Variants in TOX2 observed in about 807,000 individuals in gnomAD.
TOX2 encodes the protein granulosa cell HMG box 1.
A neutral mutation model predicts 47.4 loss-of-function variants in TOX2; 15 were observed. The ratio of observed to expected loss-of-function variants is 0.32; its 90% CI spans 0.21 to 0.49. TOX2 has a LOEUF of 0.49. Among genes scored for constraint, TOX2 ranks in the 20% least tolerant of loss-of-function variants. The pLI, the probability that TOX2 is intolerant of heterozygous loss-of-function variation, is 0.99. For synonymous variants in TOX2, 290 were observed against 296.6 expected, an observed-to-expected ratio of 0.98 and a Z score of 0.23; for missense variants, 622 against 673.1, an observed-to-expected ratio of 0.92 and a Z score of 0.84.
chr20:43,953,150 C>G (rs760790166), intron 1 of TOX2, among the ~76,000 whole-genome samples: 9 of 152,152 alleles, frequency 5.9e-5, no homozygotes, highest in Non-Finnish European at 1.0e-4. Flanking sequence ...CTAGAGCCTA[C>G]AGACCAGCCA....
intron 1 of TOX2, among the ~76,000 whole-genome samples, chr20:43,921,176 G>A (rs996058940): frequency 3.9e-5 from 6 of 152,220 alleles, no homozygotes; most frequent in African/African-American, 1.4e-4. Context: ...ACAGAGCCTG[G>A]CACACAGAGC....
intron 1 of TOX2, among the ~76,000 whole-genome samples, chr20:43,921,576 A>G (rs1287973599): frequency 6.6e-6 from 1 of 152,160 alleles, no homozygotes; most frequent in African/African-American, 2.4e-5. Flanking sequence ...GCCCAACTGA[A>G]AGTTAAAATG....
At chr20:44,026,968 G>C (rs2071077847) in intron 3 of TOX2, among the ~76,000 whole-genome samples, 1 of 152,184 alleles carries the variant, frequency 6.6e-6, no homozygotes, top group Non-Finnish European at 1.5e-5. Context: ...TTCAACACAG[G>C]CAACACTTTT....
chr20:44,068,705 C>G lies in TOX2; in HGVS notation c.*19C>G, dbSNP rs199514612. The stretch of plus-strand genomic sequence containing the variant: ...CACCTAATCCCGCCTCCCTACCATC[C>G]CTGAGGCTCGCTGGAAGGCACTGCT... On this transcript the variant is annotated 3_prime_UTR_variant, in exon 9 of 9. Coordinates refer to ENST00000341197, the MANE Select transcript of TOX2 (RefSeq NM_001098797.2). The G allele has an allele frequency of 1.1e-4, 185 of 1,614,060 alleles. No homozygotes were observed. The African/African-American group carries it at 2.0e-3, about 17-fold the overall frequency.
At position 44,048,642 on chromosome 20, in the gene TOX2, C is replaced by A. The variant is rs556791883; in HGVS notation, c.412-2664C>A. Among the ~76,000 whole-genome samples the A allele has an allele frequency of 2.6e-5, 4 of 151,282 alleles. No homozygotes were observed. In the East Asian group the frequency reaches 7.8e-4, roughly 29 times the overall value. On this transcript the variant is annotated intron_variant, in intron 3 of 8. Coordinates refer to ENST00000341197, the MANE Select transcript of TOX2 (RefSeq NM_001098797.2). ...TAACAAAAACATTTGACAAAAGTAACCCTAAAAAATAAAAACTAAGAGATT... is the reference window on the plus strand; with the variant it reads ...TAACAAAAACATTTGACAAAAGTAAACCTAAAAAATAAAAACTAAGAGATT...
intron 2 of TOX2, among the ~76,000 whole-genome samples, chr20:43,995,550 G>T (rs2070459386): frequency 6.6e-6 from 1 of 152,178 alleles, no homozygotes; most frequent in South Asian, 2.1e-4. Flanking sequence ...AGGGGTACGT[G>T]TGAAGGTTTG....
chr20:44,048,713 A>G (rs1228518167), intron 3 of TOX2, among the ~76,000 whole-genome samples: 1 of 152,086 alleles, frequency 6.6e-6, no homozygotes, highest in Non-Finnish European at 1.5e-5. Flanking sequence ...CATACAGGCA[A>G]GGACAGCATT....
chr20:43,969,511 G>C (rs2069923910), intron 1 of TOX2, among the ~76,000 whole-genome samples: 1 of 152,222 alleles, frequency 6.6e-6, no homozygotes, highest in Non-Finnish European at 1.5e-5. Context: ...GGGGGCTGCA[G>C]GGGTAAGCCC....
At chr20:43,999,039 C>A (rs77865341) in intron 2 of TOX2, among the ~76,000 whole-genome samples, 247 of 152,280 alleles carry the variant, frequency 1.6e-3, no homozygotes, top group African/African-American at 5.7e-3. Flanking sequence ...GGATTACAGG[C>A]GTGCGCCACC....
chr20:44,061,742 C>T (rs1283015128), intron 5 of TOX2, among the ~76,000 whole-genome samples: 1 of 152,050 alleles, frequency 6.6e-6, no homozygotes, highest in Non-Finnish European at 1.5e-5. Context: ...CAGTACAATA[C>T]TAGCTAACTG....
intron 5 of TOX2, among the ~76,000 whole-genome samples, chr20:44,059,040 TG>T (rs1216923363): frequency 1.3e-5 from 2 of 152,146 alleles, no homozygotes; most frequent in Non-Finnish European, 2.9e-5. Context: ...ATCTCTGAAT[TG>T]CCAGAAAAAG....
chr20:44,018,244 T>C (rs80309232), intron 3 of TOX2, among the ~76,000 whole-genome samples: 1,775 of 152,262 alleles, frequency 0.012, 33 homozygotes, highest in African/African-American at 0.041. Flanking sequence ...TCAGCTGCCC[T>C]CTGGTACCCA....
intron 3 of TOX2, among the ~76,000 whole-genome samples, chr20:44,020,598 C>T (rs1282705137): frequency 1.3e-5 from 2 of 152,240 alleles, no homozygotes; most frequent in African/African-American, 2.4e-5. Context: ...TGCTGAGCTG[C>T]TTCTGGAAAC....
At chr20:44,002,553 CAG>C (rs376383905) in intron 2 of TOX2, among the ~76,000 whole-genome samples, 25 of 152,232 alleles carry the variant, frequency 1.6e-4, no homozygotes, top group African/African-American at 6.0e-4. Flanking sequence ...AACTGAGGCA[CAG>C]AGAGGGTGTT....
chr20:43,957,334 T>C (rs2069685077), intron 1 of TOX2, among the ~76,000 whole-genome samples: 1 of 152,264 alleles, frequency 6.6e-6, no homozygotes, highest in African/African-American at 2.4e-5. Context: ...CTTGTCTCTT[T>C]GTTTGCAAAA....
chr20:43,917,459 G>A (rs1182346186), intron 1 of TOX2, among the ~76,000 whole-genome samples: 1 of 152,184 alleles, frequency 6.6e-6, no homozygotes, highest in Admixed American at 6.5e-5. Context: ...ACATTGTGGG[G>A]TGGACACACC....
rs1555832483 is a variant in TOX2, at chr20:43,951,717, T to TGTTTTG, written c.100-21650_100-21649insGTTTTG. 4.8e-5 allele frequency among the ~76,000 whole-genome samples: 6 copies of TGTTTTG among 124,890 alleles called. 1 individual carries two copies. Among genetic ancestry groups the TGTTTTG allele is most frequent in the Non-Finnish European group, 1.0e-4 (6 of 58,704 alleles). The allele number at this position is 124,890 out of a possible 152,430, so 81.9% of individuals were successfully genotyped here. A position where few individuals can be genotyped will look rare whatever the true frequency, so the allele number is the denominator to read the frequency against. On this transcript the variant is annotated intron_variant, in intron 1 of 8. Transcript: ENST00000341197. ...TATTAAACTTATTATGTTTTTTTTTTTTTTTTTTTTTAGAGAAAGGGTCTT... is the reference window on the plus strand; with the variant it reads ...TATTAAACTTATTATGTTTTTTTTTTGTTTTGTTTTTTTTTTTAGAGAAAGGGTCTT...
Position 43,999,175 on chromosome 20 carries a change from C to A in TOX2, c.166-7372C>A, listed in dbSNP as rs1274345080. On this transcript the variant is annotated intron_variant, in intron 2 of 8. Transcript: ENST00000341197. ...TGTCTTTTAATAAAGCAATTGAAAT[C>A]ATTCGTATTATGTTATGAATATTTA... Among the ~76,000 whole-genome samples the A allele has an allele frequency of 2.0e-5, 3 of 152,092 alleles. No individual in the cohort carries two copies. The East Asian group carries it at 5.8e-4, about 29-fold the overall frequency.
intron 2 of TOX2, among the ~76,000 whole-genome samples, chr20:43,997,717 GTCTT>G (rs1394387923): frequency 1.3e-5 from 2 of 152,194 alleles, no homozygotes; most frequent in Non-Finnish European, 2.9e-5. Context: ...TGCTGAGTTT[GTCTT>G]TCTTGTCTTC....
Sources: gnomAD v4.1 joint callset for allele counts (sites outside exome capture counted in the v4.1 genomes callset) on GRCh38, gnomAD v4.1.1 for gene constraint, MANE v1.5 for transcripts, NCBI Gene and HGNC (gene_info 2026-07-23, HGNC 2026-07-21) for gene names.